RALGAPA1: variants seen among roughly 807,000 people sequenced by gnomAD.
The protein encoded by RALGAPA1 is Ral GTPase activating protein catalytic subunit alpha 1, also known as ral GTPase-activating protein subunit alpha-1.
Under a neutral mutation model 269.6 loss-of-function variants are expected in RALGAPA1, and 52 were observed. The observed-to-expected ratio is 0.19, with a 90% CI of 0.15 to 0.24. The LOEUF (loss-of-function observed/expected upper bound fraction) is 0.24, where lower values mean the gene tolerates loss of function less well. RALGAPA1 is among the 10% of genes least tolerant of loss of function. RALGAPA1 has a pLI of 1.00. For missense variants in RALGAPA1, 1,917 were observed against 3,013.9 expected, an observed-to-expected ratio of 0.64 and a Z score of 8.52; for synonymous variants, 817 against 1,008.3, an observed-to-expected ratio of 0.81 and a Z score of 3.60.
chr14:35,542,350 G>A (rs2054086760), intron 41 of RALGAPA1: 1 of 168,514 alleles, frequency 5.9e-6, no homozygotes, highest in Non-Finnish European at 1.3e-5. Context: ...ACCATAGAAG[G>A]AGGGCTTTAT....
At position 35,760,829 on chromosome 14, in the gene RALGAPA1, T is replaced by C; in HGVS notation, c.547A>G (p.Thr183Ala). Residue 183 changes from threonine to alanine, a missense_variant and splice_region_variant, in exon 6 of 42, where the codon ACT becomes GCT. Physicochemically the swap from Thr to Ala is moderately conservative, Grantham distance 58. This residue lies in a region of RALGAPA1 where 462 missense variants were observed against 725.6 expected (regional missense o/e 0.64). Transcript: ENST00000680220. ...ACGGATAACATCCCATGAATCTTAC[T>C]TTCTTGAAGGTTGAGTGGAGGATTA... ...LINPPLNLQE[T>A]QVTIEEITPL... The C allele has an allele frequency of 6.2e-7, 1 of 1,609,338 alleles. No individual in the cohort carries two copies. The highest frequency in any genetic ancestry group is 8.5e-7 in the Non-Finnish European group (1 of 1,177,604).
chr14:35,636,511 A>C (rs1013576885), intron 31 of RALGAPA1, among the ~76,000 whole-genome samples: 1 of 152,104 alleles, frequency 6.6e-6, no homozygotes, highest in African/African-American at 2.4e-5. Context: ...TCCAAACTTC[A>C]AATTATCTAT....
At chr14:35,665,988 C>T (rs1043609962) in intron 26 of RALGAPA1, among the ~76,000 whole-genome samples, 4 of 150,438 alleles carry the variant, frequency 2.7e-5, no homozygotes, top group Admixed American at 2.0e-4. Context: ...AAGAATACAA[C>T]GAGCAAGAAT....
At chr14:35,614,277 G>A (rs557139311) in intron 35 of RALGAPA1, among the ~76,000 whole-genome samples, 1 of 152,294 alleles carries the variant, frequency 6.6e-6, no homozygotes, top group East Asian at 1.9e-4. Flanking sequence ...AATGTTCACA[G>A]CAGCATTATT....
At chr14:35,700,113 G>T in intron 17 of RALGAPA1, 49 bp downstream of exon 17, 2 of 1,475,754 alleles carry the variant, frequency 1.4e-6, no homozygotes, top group South Asian at 1.3e-5. Context: ...GAAAGCAGAG[G>T]ATTAAAAAGT....
chr14:35,550,489 A>G (rs1424035108), intron 39 of RALGAPA1, among the ~76,000 whole-genome samples: 1 of 152,156 alleles, frequency 6.6e-6, no homozygotes, highest in Non-Finnish European at 1.5e-5. Flanking sequence ...AAAACTCTAG[A>G]AATTGTAGAC....
At chr14:35,688,416 GCTGT>G in intron 18 of RALGAPA1, 39 bp downstream of exon 18, 1 of 1,535,390 alleles carries the variant, frequency 6.5e-7, no homozygotes, top group Non-Finnish European at 8.7e-7. Context: ...CCAAACTGGT[GCTGT>G]CTTTCTCCTT....
chr14:35,693,206 T>G (rs1567020464), intron 17 of RALGAPA1, among the ~76,000 whole-genome samples: 1 of 151,920 alleles, frequency 6.6e-6, no homozygotes, highest in East Asian at 1.9e-4. Flanking sequence ...AAGCCAGGCT[T>G]TAGTTATATC....
At position 35,709,256 on chromosome 14, in the gene RALGAPA1, G is replaced by A. The variant is rs567150207; in HGVS notation, c.2267-8954C>T. On this transcript the variant is annotated intron_variant, in intron 16 of 41. Transcript: ENST00000680220. The stretch of plus-strand genomic sequence containing the variant: ...ATGGTTTGAAACACAAAGAATAAAT[G>A]TTTGAGGTAATGAATACCCCATTTA... 3.4e-4 allele frequency among the ~76,000 whole-genome samples: 51 copies of A among 152,226 alleles called. 1 individual carries two copies. The highest frequency in any genetic ancestry group is 1.2e-3 in the African/African-American group (51 of 41,556).
chr14:35,704,421 G>A (rs1033535251), intron 16 of RALGAPA1, among the ~76,000 whole-genome samples: 1 of 151,928 alleles, frequency 6.6e-6, no homozygotes, highest in African/African-American at 2.4e-5. Context: ...AAGATAAAAG[G>A]ATTATATCAT....
chr14:35,647,943 G>A (rs577069329), intron 31 of RALGAPA1, among the ~76,000 whole-genome samples: 8 of 150,488 alleles, frequency 5.3e-5, no homozygotes, highest in Admixed American at 2.6e-4. Context: ...GCGAAACTCC[G>A]TCTCTAAATA....
At chr14:35,683,045 C>T (rs2065594595) in intron 21 of RALGAPA1, among the ~76,000 whole-genome samples, 1 of 152,192 alleles carries the variant, frequency 6.6e-6, no homozygotes, top group African/African-American at 2.4e-5. Context: ...CAGCCAACCA[C>T]AAGATGCAAA....
At chr14:35,687,154 T>C (rs1163458654) in intron 18 of RALGAPA1, among the ~76,000 whole-genome samples, 1 of 152,176 alleles carries the variant, frequency 6.6e-6, no homozygotes, top group Non-Finnish European at 1.5e-5. Context: ...CACTATAAAA[T>C]CTAATTTTAA....
intron 35 of RALGAPA1, among the ~76,000 whole-genome samples, chr14:35,619,375 A>C (rs936479946): frequency 5.9e-5 from 9 of 152,322 alleles, no homozygotes; most frequent in Admixed American, 3.9e-4. Flanking sequence ...TTATAGCACT[A>C]AATGCCCACA....
chr14:35,802,580 C>T (rs2077054706), intron 1 of RALGAPA1, among the ~76,000 whole-genome samples: 1 of 151,374 alleles, frequency 6.6e-6, no homozygotes, highest in African/African-American at 2.4e-5. Context: ...TCAGTGTATT[C>T]AATATCGTCA....
chr14:35,629,987 G>T (rs1327872517), intron 33 of RALGAPA1, among the ~76,000 whole-genome samples: 1 of 151,872 alleles, frequency 6.6e-6, no homozygotes, highest in East Asian at 1.9e-4. Flanking sequence ...AAAAAAAAAG[G>T]GAGACCAGTT....
chr14:35,644,727 G>A (rs1022581236), intron 31 of RALGAPA1, among the ~76,000 whole-genome samples: 4 of 152,146 alleles, frequency 2.6e-5, no homozygotes, highest in African/African-American at 9.7e-5. Flanking sequence ...GAATCTCGTG[G>A]TGTTGGATTA....
intron 35 of RALGAPA1, among the ~76,000 whole-genome samples, chr14:35,611,443 A>C (rs1594804125): frequency 6.6e-6 from 1 of 151,794 alleles, no homozygotes; most frequent in Non-Finnish European, 1.5e-5. Flanking sequence ...TGGAGGATGC[A>C]GTGAGCTGAG....
Position 35,623,326 on chromosome 14 carries a change from CACACACAGACATACACACACACAG to C in RALGAPA1, c.6929+2011_6929+2034del, listed in dbSNP as rs560376177. 6.7e-3 allele frequency among the ~76,000 whole-genome samples: 1,018 copies of C among 152,138 alleles called. 4 individuals carry two copies. Among genetic ancestry groups the C allele is most frequent in the Non-Finnish European group, 0.011 (752 of 67,964 alleles). ...AAAGTTAATCTCTCTCTCTCTCTCA[CACACACAGACATACACACACACAG>C]ACACACAGACATACACACACACACG... On this transcript the variant is annotated intron_variant, in intron 35 of 41. Coordinates refer to ENST00000680220, the MANE Select transcript of RALGAPA1 (RefSeq NM_001346249.2).
Sources: allele counts gnomAD v4.1 joint callset (sites outside exome capture counted in the v4.1 genomes callset), GRCh38; gene constraint gnomAD v4.1.1; regional missense constraint gnomAD v4.1.1; transcripts MANE v1.5; gene names NCBI Gene and HGNC (gene_info 2026-07-23, HGNC 2026-07-21).